The following MTHFD2L variants were observed in gnomAD, a reference collection of about 807,000 sequenced individuals.
MTHFD2L encodes the protein bifunctional methylenetetrahydrofolate dehydrogenase/cyclohydrolase 2, mitochondrial.
A neutral mutation model predicts 34.9 loss-of-function variants in MTHFD2L; 29 were observed. The observed-to-expected ratio is 0.83, with a 90% CI of 0.62 to 1.13. The LOEUF (loss-of-function observed/expected upper bound fraction) is 1.13. Among genes scored for constraint, MTHFD2L ranks in the 50% most tolerant of loss-of-function variants. The pLI is 0.00. For missense variants in MTHFD2L, 481 were observed against 446.5 expected, an observed-to-expected ratio of 1.08 and a Z score of -0.70; for synonymous variants, 167 against 155.7, an observed-to-expected ratio of 1.07 and a Z score of -0.54.
chr4:74,162,357 T>A (rs1015500419), intron 1 of MTHFD2L: 4 of 152,222 alleles, frequency 2.6e-5, no homozygotes, highest in African/African-American at 9.6e-5. Flanking sequence ...CAACCAGGTT[T>A]GTTCACTGCA....
chr4:74,222,852 T>C (rs529402218), intron 5 of MTHFD2L, among the ~76,000 whole-genome samples: 1 of 152,140 alleles, frequency 6.6e-6, no homozygotes, highest in East Asian at 1.9e-4. Context: ...TTTTTTTACA[T>C]GAATCATTTG....
chr4:74,234,620 A>G (rs1427547499), intron 6 of MTHFD2L, among the ~76,000 whole-genome samples: 1 of 152,094 alleles, frequency 6.6e-6, no homozygotes, highest in Admixed American at 6.6e-5. Flanking sequence ...ATATTAAGCC[A>G]TATAGCAGGC....
chr4:74,174,332 C>G (rs1728605098), intron 1 of MTHFD2L, among the ~76,000 whole-genome samples, 174 bp from the exon 2 acceptor site: 1 of 151,768 alleles, frequency 6.6e-6, no homozygotes, highest in African/African-American at 2.4e-5. Context: ...GAATCCTTCA[C>G]AAAATTATAA....
chr4:74,179,214 G>A (rs575422018), intron 3 of MTHFD2L, among the ~76,000 whole-genome samples: 3 of 152,132 alleles, frequency 2.0e-5, no homozygotes, highest in South Asian at 4.1e-4. Flanking sequence ...TTCTTGTTAC[G>A]TTTTACTGTC....
intron 6 of MTHFD2L, among the ~76,000 whole-genome samples, chr4:74,279,708 GTCT>G (rs1382234540): frequency 6.6e-6 from 1 of 152,034 alleles, no homozygotes; most frequent in African/African-American, 2.4e-5. Flanking sequence ...CTCAATGTAT[GTCT>G]TCTTTTTCTA....
At chr4:74,299,339 A>G (rs2110333398) in intron 7 of MTHFD2L, among the ~76,000 whole-genome samples, 1 of 151,946 alleles carries the variant, frequency 6.6e-6, no homozygotes, top group South Asian at 2.1e-4. Context: ...TTCTATTAGT[A>G]TAAATGGTAG....
chr4:74,160,513 CAAT>C (rs1440748703), intron 1 of MTHFD2L: 2 of 153,126 alleles, frequency 1.3e-5, no homozygotes, highest in Non-Finnish European at 2.9e-5. Flanking sequence ...ATTCTTCTCT[CAAT>C]GAGTTTTCCT....
intron 5 of MTHFD2L, among the ~76,000 whole-genome samples, chr4:74,207,869 A>G (rs556033724): frequency 1.3e-5 from 2 of 149,508 alleles, no homozygotes; most frequent in African/African-American, 5.0e-5. Context: ...TGTGAGTGGT[A>G]TGTGTGATTA....
At chr4:74,196,480 A>C (rs191807092) in intron 3 of MTHFD2L, among the ~76,000 whole-genome samples, 1 of 152,324 alleles carries the variant, frequency 6.6e-6, no homozygotes, top group Non-Finnish European at 1.5e-5. Context: ...AATGTTTACT[A>C]TACGGATGAG....
At chr4:74,271,111 T>A (rs897327891) in intron 6 of MTHFD2L, among the ~76,000 whole-genome samples, 1 of 152,168 alleles carries the variant, frequency 6.6e-6, no homozygotes, top group Admixed American at 6.5e-5. Flanking sequence ...TATTCTCCCA[T>A]TCTGTAGGTT....
chr4:74,179,061 G>A (rs904707057), intron 3 of MTHFD2L, among the ~76,000 whole-genome samples: 14 of 151,966 alleles, frequency 9.2e-5, no homozygotes, highest in African/African-American at 3.4e-4. Flanking sequence ...ACCCTTATAT[G>A]ATAAGAATTA....
At chr4:74,140,867 GATTCA>G (rs1560409587) in intron 1 of MTHFD2L, among the ~76,000 whole-genome samples, 2 of 152,142 alleles carry the variant, frequency 1.3e-5, no homozygotes, top group Non-Finnish European at 2.9e-5. Flanking sequence ...CTGCCCCCAC[GATTCA>G]ATTTTCTTTT....
intron 6 of MTHFD2L, among the ~76,000 whole-genome samples, chr4:74,272,670 G>T (rs1267906927): frequency 6.6e-6 from 1 of 152,058 alleles, no homozygotes; most frequent in African/African-American, 2.4e-5. Context: ...AGACTTATTT[G>T]ATTTTTGTGC....
At chr4:74,270,455 A>C (rs1745821371) in intron 6 of MTHFD2L, among the ~76,000 whole-genome samples, 1 of 152,152 alleles carries the variant, frequency 6.6e-6, no homozygotes, top group African/African-American at 2.4e-5. Context: ...TTTGCTGAGA[A>C]TGATGGTTTC....
Position 74,222,043 on chromosome 4 carries a change from T to C in MTHFD2L, c.713-3259T>C, listed in dbSNP as rs566049947. ...AATATATATTTTTTTATTTTTTACT[T>C]TATACTTTTAAATGTTCTTATACTT... On this transcript the variant is annotated intron_variant, in intron 5 of 7. Transcript: ENST00000325278. Among the ~76,000 whole-genome samples the C allele has an allele frequency of 2.0e-5, 3 of 151,786 alleles. No individual in the cohort carries two copies. In the South Asian group the frequency reaches 6.2e-4, roughly 31 times the overall value.
In MTHFD2L at chr4:74,137,913, C is replaced by T. The variant is rs571788805; in HGVS notation, c.-297+12396C>T. On this transcript the variant is annotated intron_variant, in intron 1 of 7. Transcript: ENST00000433372. ...TGTGGGAGCTAAAAAAAGTGGATAT[C>T]ATGAAGATACAGATTGATGGTTACC... Among the ~76,000 whole-genome samples, 132 of 151,800 alleles carry T rather than the reference C, an allele frequency of 8.7e-4. 4 individuals are homozygous for T. The highest frequency in any genetic ancestry group is 3.0e-3 in the African/African-American group (124 of 41,416).
At chr4:74,179,780 A>G (rs1379836824) in intron 3 of MTHFD2L, among the ~76,000 whole-genome samples, 1 of 152,164 alleles carries the variant, frequency 6.6e-6, no homozygotes, top group Non-Finnish European at 1.5e-5. Flanking sequence ...TTCATTCATC[A>G]ATCTTTAACA....
intron 6 of MTHFD2L, among the ~76,000 whole-genome samples, chr4:74,261,745 A>G (rs16850793): frequency 0.033 from 5,079 of 152,120 alleles, 269 homozygotes; most frequent in African/African-American, 0.11. Flanking sequence ...ATTGGAAGAA[A>G]AAGCGTAAGA....
chr4:74,175,203 C>T, intron 2 of MTHFD2L, 78 bp from the exon 3 acceptor site: 2 of 1,488,076 alleles, frequency 1.3e-6, no homozygotes, highest in South Asian at 1.3e-5. Context: ...AGGAACAGTC[C>T]CACACTGTGT....
Sources: gnomAD v4.1 joint callset for allele counts (sites outside exome capture counted in the v4.1 genomes callset) on GRCh38, gnomAD v4.1.1 for gene constraint, MANE v1.5 for transcripts, NCBI Gene and HGNC (gene_info 2026-07-23, HGNC 2026-07-21) for gene names.